TSNARE1: variants seen among roughly 807,000 people sequenced by gnomAD.
The protein encoded by TSNARE1 is t-SNARE domain containing 1, also known as t-SNARE domain-containing protein 1.
In TSNARE1, 49 loss-of-function variants were observed where a neutral mutation model predicts 62.0. The observed-to-expected ratio is 0.79, with a 90% CI of 0.63 to 1.00. The LOEUF (loss-of-function observed/expected upper bound fraction) is 1.00. Ranked by LOEUF, TSNARE1 falls within the 50% of genes least tolerant of loss-of-function variation. The pLI is 0.00. For missense variants in TSNARE1, 755 were observed against 700.1 expected, an observed-to-expected ratio of 1.08 and a Z score of -0.88; for synonymous variants, 328 against 294.4, an observed-to-expected ratio of 1.11 and a Z score of -1.17.
intron 12 of TSNARE1, among the ~76,000 whole-genome samples, chr8:142,261,845 G>A (rs900645499): frequency 5.3e-5 from 8 of 152,182 alleles, no homozygotes; most frequent in African/African-American, 1.7e-4. Flanking sequence ...CCTGCCCTGG[G>A]GGCACAGGTC....
intron 10 of TSNARE1, among the ~76,000 whole-genome samples, chr8:142,290,616 C>T (rs1351710369): frequency 6.6e-6 from 1 of 152,248 alleles, no homozygotes. Flanking sequence ...CATCCACCTA[C>T]AAAGACGACT....
chr8:142,294,941 G>T (rs918392815), intron 10 of TSNARE1, among the ~76,000 whole-genome samples: 1 of 152,154 alleles, frequency 6.6e-6, no homozygotes, highest in Non-Finnish European at 1.5e-5. Context: ...GCTGCCAGCC[G>T]CCAGCACTCA....
chr8:142,270,765 G>A, intron 12 of TSNARE1: 1 of 985,374 alleles, frequency 1.0e-6, no homozygotes, highest in Non-Finnish European at 1.2e-6. Flanking sequence ...AGGGACGCTG[G>A]GCTGCAGACT....
At chr8:142,327,171 A>G (rs968710796) in intron 6 of TSNARE1, among the ~76,000 whole-genome samples, 1 of 152,174 alleles carries the variant, frequency 6.6e-6, no homozygotes, top group African/African-American at 2.4e-5. Context: ...GCAAACATTC[A>G]CCGCAGCTTT....
chr8:142,283,135 G>A (rs112021766), intron 11 of TSNARE1, among the ~76,000 whole-genome samples: 1 of 149,742 alleles, frequency 6.7e-6, no homozygotes, highest in Non-Finnish European at 1.5e-5. Context: ...CAGAGGCGGG[G>A]CCAGTGTCTG....
At chr8:142,257,775 CCTGCCAGACACTCACTG>C (rs1322833424) in intron 12 of TSNARE1, among the ~76,000 whole-genome samples, 3 of 152,212 alleles carry the variant, frequency 2.0e-5, no homozygotes, top group African/African-American at 7.2e-5. Context: ...CCAGGCCACC[CCTGCCAGACACTCACTG>C]CTTCATGGAG....
chr8:142,267,458 G>A (rs1819195184), intron 12 of TSNARE1, among the ~76,000 whole-genome samples: 1 of 152,200 alleles, frequency 6.6e-6, no homozygotes, highest in African/African-American at 2.4e-5. Context: ...CTGGAATGCA[G>A]CACTGCGTAG....
chr8:142,307,675 G>T (rs557967123), intron 9 of TSNARE1, among the ~76,000 whole-genome samples: 6 of 152,194 alleles, frequency 3.9e-5, no homozygotes, highest in Non-Finnish European at 8.8e-5. Context: ...AATATTTTCA[G>T]TCTGAGTGGT....
At chr8:142,328,603 T>C (rs1243870196) in intron 6 of TSNARE1, among the ~76,000 whole-genome samples, 1 of 152,188 alleles carries the variant, frequency 6.6e-6, no homozygotes, top group Non-Finnish European at 1.5e-5. Context: ...TGAGCGCTAG[T>C]TCTTCTTTTC....
At chr8:142,213,993 G>A (rs1056304554) in intron 13 of TSNARE1, among the ~76,000 whole-genome samples, 1 of 152,180 alleles carries the variant, frequency 6.6e-6, no homozygotes, top group Non-Finnish European at 1.5e-5. Context: ...TTCCAGGATT[G>A]TCCCCAAAAT....
intron 12 of TSNARE1, chr8:142,270,051 TG>T: frequency 1.0e-6 from 1 of 985,410 alleles, no homozygotes; most frequent in Middle Eastern, 5.2e-4. Flanking sequence ...GCCAGCATCT[TG>T]CTCCTGGGAC....
chr8:142,269,402 G>C, intron 12 of TSNARE1: 1 of 984,142 alleles, frequency 1.0e-6, no homozygotes, highest in Non-Finnish European at 1.2e-6. Context: ...CACCAGAGTA[G>C]AGGCTGTGTC....
intron 12 of TSNARE1, among the ~76,000 whole-genome samples, chr8:142,267,666 C>T (rs2130447197): frequency 6.6e-6 from 1 of 152,276 alleles, no homozygotes; most frequent in South Asian, 2.1e-4. Flanking sequence ...CCTGCCACTC[C>T]CCCCGGCCTC....
At chr8:142,272,877 C>A in intron 12 of TSNARE1, 1 of 983,854 alleles carries the variant, frequency 1.0e-6, no homozygotes, top group Non-Finnish European at 1.2e-6. Flanking sequence ...CTCAACCCTC[C>A]TGACACCGTG....
At chr8:142,312,843 TCTCAATAAG>T (rs1291307893) in intron 9 of TSNARE1, among the ~76,000 whole-genome samples, 1 of 152,164 alleles carries the variant, frequency 6.6e-6, no homozygotes, top group Non-Finnish European at 1.5e-5. Context: ...TGCTGTTCAG[TCTCAATAAG>T]CTGAGACACA....
chr8:142,278,872 C>G, intron 11 of TSNARE1: 2 of 904,210 alleles, frequency 2.2e-6, no homozygotes, highest in Non-Finnish European at 2.6e-6. Context: ...CAGCGTGGGG[C>G]GGGGAAGAGT....
chr8:142,327,802 A>T (rs981400267), intron 6 of TSNARE1, among the ~76,000 whole-genome samples: 1 of 152,182 alleles, frequency 6.6e-6, no homozygotes, highest in Admixed American at 6.5e-5. Context: ...TCTGGTGCTG[A>T]TTCTGACACG....
chr8:142,339,697 G>A (rs1332623611), intron 4 of TSNARE1, among the ~76,000 whole-genome samples: 2 of 152,258 alleles, frequency 1.3e-5, no homozygotes, highest in Non-Finnish European at 2.9e-5. Context: ...GAAGCATAGG[G>A]CAGCTCCTGC....
intron 11 of TSNARE1, chr8:142,277,101 C>A (rs997468142): frequency 2.0e-6 from 2 of 985,270 alleles, no homozygotes; most frequent in African/African-American, 1.7e-5. Context: ...CAGCCCTGGG[C>A]CCAGTGGCTT....
Sources: gnomAD v4.1 joint callset for allele counts (sites outside exome capture counted in the v4.1 genomes callset) on GRCh38, gnomAD v4.1.1 for gene constraint, MANE v1.5 for transcripts, NCBI Gene and HGNC (gene_info 2026-07-23, HGNC 2026-07-21) for gene names.